Variants in KCNH1 observed in about 807,000 individuals in gnomAD.
KCNH1 encodes the protein potassium voltage-gated channel subfamily H member 1.
KCNH1 carries 27 observed loss-of-function variants against 69.2 expected under a neutral mutation model. That is an observed-to-expected ratio of 0.39 (90% confidence interval 0.29 to 0.54). KCNH1 has a LOEUF of 0.54. Among genes scored for constraint, KCNH1 ranks in the 20% least tolerant of loss-of-function variants. The pLI is 0.68. For missense variants in KCNH1, 798 were observed against 1,261.6 expected (o/e 0.63, Z 5.57); for synonymous variants, 456 against 487.7 (o/e 0.93, Z 0.86).
At chr1:210,986,120 G>C (rs1041272987) in intron 6 of KCNH1, among the ~76,000 whole-genome samples, 1 of 151,642 alleles carries the variant, frequency 6.6e-6, no homozygotes, top group African/African-American at 2.4e-5. Flanking sequence ...GCCTTTTTTT[G>C]TTCTCCATTT....
At position 211,016,483 on chromosome 1, in the gene KCNH1, A is replaced by G. The variant is rs1351106288; in HGVS notation, c.1032+2300T>C. On this transcript the variant is annotated intron_variant, in intron 6 of 10. Coordinates refer to ENST00000271751, the MANE Select transcript of KCNH1 (RefSeq NM_172362.3). ...TCTTAAGCTAAATTTCACTTTCCAT[A>G]TGTGTTTAAGAAGCTCTTTTAGATT... Among the ~76,000 whole-genome samples the G allele has an allele frequency of 2.6e-5, 4 of 152,144 alleles. No individual in the cohort carries two copies. The East Asian group carries it at 5.8e-4, about 22-fold the overall frequency.
At chr1:211,022,406 T>C (rs1205830858) in intron 5 of KCNH1, among the ~76,000 whole-genome samples, 1 of 152,192 alleles carries the variant, frequency 6.6e-6, no homozygotes, top group East Asian at 1.9e-4. Context: ...CTCCAGGATG[T>C]TGGACTGGGC....
intron 5 of KCNH1, among the ~76,000 whole-genome samples, chr1:211,031,733 A>C (rs1423620720): frequency 1.3e-5 from 2 of 152,196 alleles, no homozygotes; most frequent in African/African-American, 4.8e-5. Context: ...AAAACTCTCA[A>C]TCAATTAGCT....
In KCNH1 at chr1:210,683,976, G is replaced by A. The variant is rs772578710; in HGVS notation, c.2275C>T (p.Arg759Trp). Residue 759 changes from arginine (R) to tryptophan (W), a missense_variant, in exon 11 of 11, where the codon CGG becomes TGG. Physicochemically the swap from Arg to Trp is moderately radical, Grantham distance 101 (BLOSUM62 -3). Transcript: ENST00000271751. This position sits in a 1 kb window ranked among gnomAD's most constrained non-coding sequence, Gnocchi z 5.7. ...EARLAAERGG[R>W]DLDDLDVEKG... Reference sequence around the variant, plus strand: ...TCCACATCTAGGTCATCCAGGTCCCGGCCCCCTCTCTCAGCTGCCAGCCTG... The same window carrying A: ...TCCACATCTAGGTCATCCAGGTCCCAGCCCCCTCTCTCAGCTGCCAGCCTG... 7.5e-6 allele frequency: 12 copies of A among 1,600,608 alleles called. No individual in the cohort carries two copies. The highest frequency in any genetic ancestry group is 6.7e-5 in the Admixed American group (4 of 59,588).
intron 10 of KCNH1, among the ~76,000 whole-genome samples, chr1:210,697,979 C>T (rs1467484427): frequency 6.6e-6 from 1 of 152,220 alleles, no homozygotes; most frequent in African/African-American, 2.4e-5. Flanking sequence ...CACATGCTAT[C>T]ATTGTAGGTA....
intron 6 of KCNH1, among the ~76,000 whole-genome samples, chr1:211,002,340 A>G (rs912672326): frequency 1.7e-4 from 20 of 116,518 alleles, no homozygotes; most frequent in East Asian, 6.1e-4. Context: ...GTGTGTGTGT[A>G]TATATATATA....
chr1:210,760,829 C>CTATGATTCAATTATTGAA (rs1197787784), intron 10 of KCNH1, among the ~76,000 whole-genome samples: 2 of 152,154 alleles, frequency 1.3e-5, no homozygotes, highest in Non-Finnish European at 2.9e-5. Flanking sequence ...AGACCTGCCC[C>CTATGATTCAATTATTGAA]TATGATTCAA....
chr1:211,072,685 G>A (rs1452270248), intron 5 of KCNH1, among the ~76,000 whole-genome samples: 1 of 149,336 alleles, frequency 6.7e-6, no homozygotes, highest in Non-Finnish European at 1.5e-5. Flanking sequence ...AATGTATTTT[G>A]CAAACTTTAG....
intron 7 of KCNH1, among the ~76,000 whole-genome samples, chr1:210,846,934 C>G (rs1047328473): frequency 2.0e-5 from 3 of 152,212 alleles, no homozygotes; most frequent in Non-Finnish European, 2.9e-5. Flanking sequence ...TGAACAGACA[C>G]TTCTCAAAAG....
rs1367459366 is a variant in KCNH1 at position 210,683,216 on chromosome 1, G to T, written c.*65C>A. 4 of 1,475,160 alleles carry T rather than the reference G, an allele frequency of 2.7e-6. No individual in the cohort carries two copies. In the African/African-American group the frequency reaches 5.6e-5, roughly 21 times the overall value. The allele number at this position is 1,475,160 out of a possible 1,614,324, so 91.4% of individuals were successfully genotyped here. A position where few individuals can be genotyped will look rare whatever the true frequency, so the allele number is the denominator to read the frequency against. On this transcript the variant is annotated 3_prime_UTR_variant, in exon 11 of 11. Coordinates refer to ENST00000271751, the MANE Select transcript of KCNH1 (RefSeq NM_172362.3). The surrounding 1 kb of genome is among the most constrained non-coding windows in gnomAD (Gnocchi z 5.7). The stretch of plus-strand genomic sequence containing the variant: ...ATTGTTGGTCATGTGGACATATGTG[G>T]TAGGGGTGGTGGTGACGGCAGGGTT...
At chr1:210,965,673 A>G (rs888138020) in intron 6 of KCNH1, among the ~76,000 whole-genome samples, 1 of 152,154 alleles carries the variant, frequency 6.6e-6, no homozygotes, top group Non-Finnish European at 1.5e-5. Flanking sequence ...TACAACTTAC[A>G]AGGGATGTGA....
intron 5 of KCNH1, among the ~76,000 whole-genome samples, chr1:211,068,403 GT>G (rs574266962): frequency 1.3e-5 from 2 of 148,524 alleles, no homozygotes; most frequent in African/African-American, 2.5e-5. Flanking sequence ...CAACTTTTTT[GT>G]TTTTTTTTTG....
intron 7 of KCNH1, among the ~76,000 whole-genome samples, chr1:210,823,919 C>T (rs1377080417): frequency 6.6e-6 from 1 of 151,952 alleles, no homozygotes; most frequent in Non-Finnish European, 1.5e-5. Flanking sequence ...CTGAACTGTG[C>T]ACCATGCTCC....
At chr1:211,004,815 A>C (rs1468239203) in intron 6 of KCNH1, among the ~76,000 whole-genome samples, 1 of 152,160 alleles carries the variant, frequency 6.6e-6, no homozygotes, top group Non-Finnish European at 1.5e-5. Context: ...TGTAAACACT[A>C]AAAACAAATC....
intron 7 of KCNH1, among the ~76,000 whole-genome samples, chr1:210,844,135 C>T (rs1192528710): frequency 3.3e-5 from 5 of 152,110 alleles, no homozygotes; most frequent in Non-Finnish European, 5.9e-5. Context: ...TAAAAACAAT[C>T]TGCTGGGGCA....
At chr1:211,101,169 G>A (rs1691250213) in intron 3 of KCNH1, among the ~76,000 whole-genome samples, 1 of 152,170 alleles carries the variant, frequency 6.6e-6, no homozygotes, top group South Asian at 2.1e-4. Context: ...TTATGGCTCT[G>A]TTCCGTGGAT....
chr1:211,076,640 C>T (rs906042862), intron 5 of KCNH1, among the ~76,000 whole-genome samples: 1 of 152,222 alleles, frequency 6.6e-6, no homozygotes, highest in Non-Finnish European at 1.5e-5. Context: ...GATAAAACCA[C>T]AAAGATGAGG....
chr1:211,010,947 C>T (rs1689379695), intron 6 of KCNH1, among the ~76,000 whole-genome samples: 1 of 152,050 alleles, frequency 6.6e-6, no homozygotes, highest in South Asian at 2.1e-4. Flanking sequence ...GACACAGCAG[C>T]TGAGTGAGTG....
intron 6 of KCNH1, among the ~76,000 whole-genome samples, chr1:210,996,925 T>C (rs1328414191): frequency 6.6e-6 from 1 of 152,168 alleles, no homozygotes; most frequent in Non-Finnish European, 1.5e-5. Flanking sequence ...AGTGGACCTC[T>C]AGCAAACTCC....
Sources: gnomAD v4.1 joint callset for allele counts (sites outside exome capture counted in the v4.1 genomes callset) on GRCh38, gnomAD v4.1.1 for gene constraint, Gnocchi (gnomAD v3.1) non-coding constraint, MANE v1.5 for transcripts, NCBI Gene and HGNC (gene_info 2026-07-23, HGNC 2026-07-21) for gene names.